Variants in TATDN3 observed in about 807,000 individuals in gnomAD.
TATDN3 encodes TatD DNase domain containing 3.
In TATDN3, 29 loss-of-function variants were observed where a neutral mutation model predicts 40.1. The ratio of observed to expected loss-of-function variants is 0.72; its 90% CI spans 0.54 to 0.99. The LOEUF (loss-of-function observed/expected upper bound fraction) is 0.99, where lower values mean the gene tolerates loss of function less well. Among genes scored for constraint, TATDN3 ranks in the 50% least tolerant of loss-of-function variants. The pLI is 0.00. For synonymous variants in TATDN3, 105 were observed against 117.0 expected (o/e 0.90, Z 0.66); for missense variants, 309 against 321.9 (o/e 0.96, Z 0.31).
intron 4 of TATDN3, 140 bp from the exon 5 acceptor site, chr1:212,802,561 C>T (rs1662234648): frequency 3.2e-6 from 2 of 628,246 alleles, no homozygotes; most frequent in South Asian, 3.9e-5. Context: ...AGAAGGATTA[C>T]TATTGGTAGT....
Position 212,804,609 on chromosome 1 carries a change from C to T in TATDN3, c.445C>T (p.Arg149Cys), listed in dbSNP as rs141766504. The change falls in exon 7 of 10, where the codon CGC becomes TGC. Residue 149 changes from arginine (R) to cysteine (C), a missense_variant. Transcript: ENST00000366974. ...ATCGTTAAACAGAAATGTGCACTCA[C>T]GCTCTGCTGGAAGACCTACCATCAA... Reference protein sequence around the residue: ...RLNLPVNVHSRSAGRPTINLL... With the variant: ...RLNLPVNVHSCSAGRPTINLL... 4.4e-4 allele frequency: 712 copies of T among 1,613,696 alleles called. No individual in the cohort carries two copies. The highest frequency in any genetic ancestry group is 5.4e-4 in the Non-Finnish European group (635 of 1,179,840).
In TATDN3 at chr1:212,792,727, C is replaced by A. The variant is rs116837366; in HGVS notation, c.66+740C>A. Among the ~76,000 whole-genome samples the A allele has an allele frequency of 3.0e-3, 457 of 151,676 alleles. 2 individuals are homozygous for A. The highest frequency in any genetic ancestry group is 0.01 in the African/African-American group (421 of 41,300). ...GAGTGTGGTTGCTCACACTTGTAAT[C>A]CTAGCACTATGAGAGGCCGAAGTGG... On this transcript the variant is annotated intron_variant, in intron 1 of 9. Coordinates refer to ENST00000366974, the MANE Select transcript of TATDN3 (RefSeq NM_001042552.3).
intron 1 of TATDN3, 145 bp downstream of exon 1, chr1:212,792,132 T>C (rs542648492): frequency 2.6e-6 from 2 of 759,978 alleles, no homozygotes; most frequent in South Asian, 3.7e-5. Context: ...TGCCCCTCAT[T>C]TCCCTATTCC....
At position 212,796,513 on chromosome 1, in the gene TATDN3, T is replaced by TTA; in HGVS notation, c.100-4_100-3insTA. The TTA allele has an allele frequency of 6.6e-7, 1 of 1,524,166 alleles. No individual in the cohort carries two copies. Among genetic ancestry groups the TTA allele is most frequent in the Non-Finnish European group, 8.7e-7 (1 of 1,144,682 alleles). The allele number at this position is 1,524,166 out of a possible 1,614,324, so 94.4% of individuals were successfully genotyped here. On this transcript the variant is annotated splice_region_variant and splice_polypyrimidine_tract_variant and intron_variant, in intron 2 of 9. Transcript: ENST00000366974. ...TGTAACTTTATTCTTTTTTTTTTTT[T>TTA]CAGGCCAATGTTGTGGCCCTTGTGG...
intron 8 of TATDN3, among the ~76,000 whole-genome samples, chr1:212,809,181 C>T (rs1161014677): frequency 6.6e-6 from 1 of 152,078 alleles, no homozygotes; most frequent in Admixed American, 6.6e-5. Context: ...GATCTATAAA[C>T]ACAATATAGA....
At chr1:212,805,999 C>T (rs999237526) in intron 7 of TATDN3, among the ~76,000 whole-genome samples, 2 of 152,150 alleles carry the variant, frequency 1.3e-5, no homozygotes, top group African/African-American at 4.8e-5. Flanking sequence ...TCATAACTCA[C>T]TTATGTTCAG....
At chr1:212,803,008 C>CT (rs971032504) in intron 5 of TATDN3, among the ~76,000 whole-genome samples, 3 of 151,084 alleles carry the variant, frequency 2.0e-5, no homozygotes, top group African/African-American at 7.3e-5. Context: ...AAATACTTTG[C>CT]TTTTTTTTTC....
chr1:212,799,689 C>A (rs1236472576), intron 4 of TATDN3, among the ~76,000 whole-genome samples: 1 of 152,060 alleles, frequency 6.6e-6, no homozygotes, highest in African/African-American at 2.4e-5. Flanking sequence ...AGGCATGCAC[C>A]ACTACACCCG....
chr1:212,794,628 T>C, intron 1 of TATDN3: 1 of 382,610 alleles, frequency 2.6e-6, no homozygotes, highest in South Asian at 1.9e-5. Flanking sequence ...AGCATAATGA[T>C]GATAAAACCA....
At chr1:212,802,795 T>G (rs2102452817) in intron 5 of TATDN3, 32 bp downstream of exon 5, 1 of 1,396,250 alleles carries the variant, frequency 7.2e-7, no homozygotes, top group Non-Finnish European at 1.0e-6. Flanking sequence ...AAACAGCTTC[T>G]AATTCAGACT....
At chr1:212,811,228 C>G (rs188380705) in intron 8 of TATDN3, among the ~76,000 whole-genome samples, 1 of 151,668 alleles carries the variant, frequency 6.6e-6, no homozygotes, top group Non-Finnish European at 1.5e-5. Context: ...CTCTGCCTCC[C>G]GGGTTCAAGT....
chr1:212,798,333 AAATAAT>A (rs1170222700), intron 4 of TATDN3, among the ~76,000 whole-genome samples: 3 of 151,822 alleles, frequency 2.0e-5, no homozygotes, highest in Admixed American at 6.6e-5. Flanking sequence ...CTCAAAAAAA[AAATAAT>A]AATAATAATG....
At chr1:212,806,827 C>CATAT (rs1388610658) in intron 7 of TATDN3, among the ~76,000 whole-genome samples, 1 of 74,170 alleles carries the variant, frequency 1.3e-5, no homozygotes, top group East Asian at 3.8e-4. Flanking sequence ...CACATATATA[C>CATAT]ATATATATAC....
rs192897089 is a variant in TATDN3, at chr1:212,815,868, A to G, written c.*712A>G. 3 of 152,346 alleles carry G rather than the reference A, an allele frequency of 2.0e-5. No individual in the cohort carries two copies. The East Asian group carries it at 5.8e-4, about 29-fold the overall frequency. 9.4% of individuals were successfully genotyped at this position (152,346 alleles called of 1,614,324 possible). Reference sequence around the variant, plus strand: ...ATTTTTCTTCCCATAGGAGTTAGCCAGTGAAGGGAGAATGTCTGGTTTTCT... The same window carrying G: ...ATTTTTCTTCCCATAGGAGTTAGCCGGTGAAGGGAGAATGTCTGGTTTTCT... On this transcript the variant is annotated 3_prime_UTR_variant, in exon 10 of 10. Transcript: ENST00000366974.
intron 7 of TATDN3, among the ~76,000 whole-genome samples, chr1:212,805,776 C>T (rs942327883): frequency 3.3e-5 from 5 of 152,258 alleles, no homozygotes; most frequent in Middle Eastern, 3.4e-3. Flanking sequence ...AAAATTACAT[C>T]TTATGGCATT....
rs768002399 is a variant in TATDN3, at chr1:212,807,772, G to T, written c.524G>T (p.Arg175Leu). 2 of 1,613,488 alleles carry T rather than the reference G, an allele frequency of 1.2e-6. No homozygotes were observed. The highest frequency in any genetic ancestry group is 3.3e-5 in the Admixed American group (2 of 59,904). The change falls in exon 8 of 10, where the codon CGG becomes CTG. Residue 175 changes from arginine (R) to leucine (L), a missense_variant. Coordinates refer to ENST00000366974, the MANE Select transcript of TATDN3 (RefSeq NM_001042552.3). ...EKVLLHAFDG[R>L]PSVAMEGVRA... ...GTACTGCTGCATGCATTTGATGGTCGGCCATCTGTAGCCATGGAAGGAGTA... is the reference window on the plus strand; with the variant it reads ...GTACTGCTGCATGCATTTGATGGTCTGCCATCTGTAGCCATGGAAGGAGTA...
At chr1:212,812,395 C>A in intron 9 of TATDN3, 67 bp downstream of exon 9, 2 of 890,674 alleles carry the variant, frequency 2.2e-6, no homozygotes, top group Non-Finnish European at 3.5e-6. Flanking sequence ...TTCAATTTAG[C>A]TGTATTTCTC....
At position 212,804,607 on chromosome 1, in the gene TATDN3, C is replaced by T. The variant is rs1274587598; in HGVS notation, c.443C>T (p.Ser148Leu). 3.1e-6 allele frequency: 5 copies of T among 1,613,668 alleles called. No individual in the cohort carries two copies. Among genetic ancestry groups the T allele is most frequent in the East Asian group, 4.5e-5 (2 of 44,872 alleles). The change falls in exon 7 of 10, where the codon TCA (serine) becomes TTA (leucine). Residue 148 changes from serine to leucine, a missense_variant. By Grantham distance (145) the Ser-to-Leu change is moderately radical (BLOSUM62 -2). Coordinates refer to ENST00000366974, the MANE Select transcript of TATDN3 (RefSeq NM_001042552.3). The stretch of plus-strand genomic sequence containing the variant: ...TTATCGTTAAACAGAAATGTGCACT[C>T]ACGCTCTGCTGGAAGACCTACCATC... ...KRLNLPVNVH[S>L]RSAGRPTINL...
At position 212,815,071 on chromosome 1, in the gene TATDN3, G is replaced by T; in HGVS notation, c.740G>T (p.Gly247Val). The T allele has an allele frequency of 1.9e-6, 3 of 1,614,084 alleles. No individual in the cohort carries two copies. The highest frequency in any genetic ancestry group is 2.5e-6 in the Non-Finnish European group (3 of 1,180,012). ...GCAGAATATATTGCCCAGGTGAAAG[G>T]GATCTCAGTGGAAGAAGTTATAGAA... is the stretch of plus-strand genomic sequence containing the variant. ...ISAEYIAQVK[G>V]ISVEEVIEVT... Residue 247 changes from glycine (G) to valine (V), a missense_variant, in exon 10 of 10, where the codon GGG (glycine) becomes GTG (valine). Gly to Val is a moderately radical substitution (Grantham distance 109). Coordinates refer to ENST00000366974, the MANE Select transcript of TATDN3 (RefSeq NM_001042552.3).
Sources: gnomAD v4.1 joint callset for allele counts (sites outside exome capture counted in the v4.1 genomes callset) on GRCh38, gnomAD v4.1.1 for gene constraint, MANE v1.5 for transcripts, NCBI Gene and HGNC (gene_info 2026-07-23, HGNC 2026-07-21) for gene names.